Variants in SH3D19 observed in about 807,000 individuals in gnomAD.
SH3D19 encodes SH3 domain-containing protein 19.
A neutral mutation model predicts 112.1 loss-of-function variants in SH3D19; 58 were observed. The ratio of observed to expected loss-of-function variants is 0.52; its 90% CI spans 0.42 to 0.64. The LOEUF (loss-of-function observed/expected upper bound fraction) is 0.64, where lower values mean the gene tolerates loss of function less well. Ranked by LOEUF, SH3D19 falls within the 30% of genes least tolerant of loss-of-function variation. The pLI is 0.00. For synonymous variants in SH3D19, 391 were observed against 448.5 expected (o/e 0.87, Z 1.62); for missense variants, 1,090 against 1,263.4 (o/e 0.86, Z 2.08).
intron 1 of SH3D19, among the ~76,000 whole-genome samples, chr4:151,276,967 C>T (rs956818387): frequency 6.6e-6 from 1 of 152,144 alleles, no homozygotes; most frequent in Admixed American, 6.5e-5. Flanking sequence ...CGCCACAGAC[C>T]CCAGTTCCTC....
chr4:151,263,869 A>G (rs1772567440), intron 1 of SH3D19, among the ~76,000 whole-genome samples: 1 of 152,110 alleles, frequency 6.6e-6, no homozygotes, highest in Admixed American at 6.5e-5. Context: ...GTGGTGGTAT[A>G]AACACAGCTC....
intron 1 of SH3D19, among the ~76,000 whole-genome samples, chr4:151,240,157 C>T (rs959989160): frequency 6.6e-6 from 1 of 152,088 alleles, no homozygotes; most frequent in African/African-American, 2.4e-5. Flanking sequence ...GTAGTCCCAG[C>T]TACTTGGGAG....
At chr4:151,152,169 AGAG>A (rs1755170863) in intron 9 of SH3D19, among the ~76,000 whole-genome samples, 1 of 152,218 alleles carries the variant, frequency 6.6e-6, no homozygotes, top group Non-Finnish European at 1.5e-5. Flanking sequence ...CCAAATATTG[AGAG>A]GAGACAGTTC....
chr4:151,165,793 T>C, intron 7 of SH3D19, 97 bp from the exon 8 acceptor site: 1 of 1,006,674 alleles, frequency 9.9e-7, no homozygotes, highest in African/African-American at 1.6e-5. Context: ...TTCATGCCCC[T>C]GGGGAAACTA....
intron 1 of SH3D19, among the ~76,000 whole-genome samples, chr4:151,323,152 C>T (rs942154358): frequency 2.0e-5 from 3 of 152,054 alleles, no homozygotes; most frequent in African/African-American, 7.3e-5. Flanking sequence ...CTTACACAAC[C>T]ACTCCAAAAT....
At chr4:151,287,520 C>A (rs539634814) in intron 1 of SH3D19, among the ~76,000 whole-genome samples, 5 of 151,988 alleles carry the variant, frequency 3.3e-5, no homozygotes, top group East Asian at 3.9e-4. Context: ...CTATATATAC[C>A]GGAATGCCGA....
At chr4:151,199,462 G>C (rs574652999) in intron 2 of SH3D19, among the ~76,000 whole-genome samples, 2 of 152,258 alleles carry the variant, frequency 1.3e-5, no homozygotes, top group South Asian at 4.2e-4. Context: ...ACAAAGGATG[G>C]GGCATAATAT....
chr4:151,322,579 G>A (rs1466083887), intron 1 of SH3D19, among the ~76,000 whole-genome samples: 1 of 150,778 alleles, frequency 6.6e-6, no homozygotes, highest in East Asian at 1.9e-4. Flanking sequence ...TTTAAAAGCT[G>A]GGAAACATAA....
At chr4:151,321,552 G>C (rs747935288) in intron 1 of SH3D19, among the ~76,000 whole-genome samples, 1 of 151,998 alleles carries the variant, frequency 6.6e-6, no homozygotes, top group East Asian at 1.9e-4. Context: ...TGGAAACTAA[G>C]TCCTATAAGT....
chr4:151,310,582 T>A (rs79090780), intron 1 of SH3D19, among the ~76,000 whole-genome samples: 1 of 143,252 alleles, frequency 7.0e-6, no homozygotes. Context: ...CTCTCTCTCT[T>A]TTTTTTTTTT....
intron 7 of SH3D19, among the ~76,000 whole-genome samples, chr4:151,167,657 T>G (rs1200936805): frequency 6.6e-6 from 1 of 152,220 alleles, no homozygotes; most frequent in Non-Finnish European, 1.5e-5. Flanking sequence ...TTCCGCCCTG[T>G]CTGGGACGTG....
chr4:151,215,315 G>A (rs1302331421), intron 2 of SH3D19, among the ~76,000 whole-genome samples: 1 of 152,204 alleles, frequency 6.6e-6, no homozygotes, highest in Non-Finnish European at 1.5e-5. Context: ...AAACTACTGG[G>A]CAATAGATAG....
chr4:151,263,046 T>C (rs1337829702), intron 1 of SH3D19, among the ~76,000 whole-genome samples: 1 of 152,138 alleles, frequency 6.6e-6, no homozygotes, highest in Non-Finnish European at 1.5e-5. Flanking sequence ...TGAAGACAGA[T>C]TTTGAAGAGT....
chr4:151,145,665 G>A (rs1202388432), intron 11 of SH3D19, among the ~76,000 whole-genome samples: 1 of 152,190 alleles, frequency 6.6e-6, no homozygotes, highest in African/African-American at 2.4e-5. Context: ...ACAGACGTGC[G>A]TGACAAGAAC....
chr4:151,279,960 TG>T, intron 1 of SH3D19: 1 of 1,612,960 alleles, frequency 6.2e-7, no homozygotes, highest in Middle Eastern at 1.9e-4. Context: ...CATACAACCG[TG>T]AGTTCTAGCT....
intron 12 of SH3D19, among the ~76,000 whole-genome samples, 198 bp downstream of exon 12, chr4:151,143,712 T>C (rs1242928698): frequency 6.6e-6 from 1 of 152,134 alleles, no homozygotes; most frequent in Non-Finnish European, 1.5e-5. Flanking sequence ...GTAGTCACTC[T>C]GTATCGAAGT....
chr4:151,288,270 A>C (rs761877637), intron 1 of SH3D19, among the ~76,000 whole-genome samples: 3 of 152,240 alleles, frequency 2.0e-5, no homozygotes, highest in Non-Finnish European at 4.4e-5. Context: ...TGGAGGTTCT[A>C]GCCAGAATTA....
intron 1 of SH3D19, among the ~76,000 whole-genome samples, chr4:151,245,715 C>T (rs1770894187): frequency 6.6e-6 from 1 of 152,212 alleles, no homozygotes; most frequent in Non-Finnish European, 1.5e-5. Flanking sequence ...GATTCTCCTG[C>T]CCCAGCCTCC....
In SH3D19 at chr4:151,182,997, T is replaced by C. The variant is rs577421905; in HGVS notation, c.194-3600A>G. On this transcript the variant is annotated intron_variant, in intron 3 of 19. Coordinates refer to ENST00000604030, the MANE Select transcript of SH3D19 (RefSeq NM_001378122.1). ...GAATTATTTTCAAACTTTTTCTTTTTTTTTTTCTTTTTGAGCTGGGGTCTC... is the reference window on the plus strand; with the variant it reads ...GAATTATTTTCAAACTTTTTCTTTTCTTTTTTCTTTTTGAGCTGGGGTCTC... Among the ~76,000 whole-genome samples, 134 of 150,770 alleles carry C rather than the reference T, an allele frequency of 8.9e-4. 1 individual carries two copies. The highest frequency in any genetic ancestry group is 6.8e-3 in the Middle Eastern group (2 of 294).
Sources: allele counts gnomAD v4.1 joint callset (sites outside exome capture counted in the v4.1 genomes callset), GRCh38; gene constraint gnomAD v4.1.1; transcripts MANE v1.5; gene names NCBI Gene and HGNC (gene_info 2026-07-23, HGNC 2026-07-21).